The following YJU2 variants were observed in gnomAD, a reference collection of about 807,000 sequenced individuals.
The protein encoded by YJU2 is YJU2 splicing factor homolog, also known as splicing factor YJU2.
YJU2 carries 28 observed loss-of-function variants against 39.6 expected under a neutral mutation model. That is an observed-to-expected ratio of 0.71 (90% CI 0.52 to 0.97). The LOEUF (loss-of-function observed/expected upper bound fraction) is 0.97. Among genes scored for constraint, YJU2 ranks in the 50% least tolerant of loss-of-function variants. The pLI, the probability that YJU2 is intolerant of heterozygous loss-of-function variation, is 0.00. For synonymous variants in YJU2, 184 were observed against 182.4 expected (o/e 1.01, Z -0.07); for missense variants, 328 against 430.4 (o/e 0.76, Z 2.11).
chr19:4,262,818 G>A (rs546318166), intron 6 of YJU2, among the ~76,000 whole-genome samples: 82 of 152,230 alleles, frequency 5.4e-4, no homozygotes, highest in African/African-American at 1.8e-3. Flanking sequence ...TGAGGCAGGA[G>A]GACCGCTTGA....
In YJU2 at chr19:4,251,765, G is replaced by T. The variant is rs546505694; in HGVS notation, c.270+594G>T. ...TTGGGAGGCCAAGGCAGGAAAGAGA[G>T]CCCCTGAGGTCAGGAGTTTGAGACC... On this transcript the variant is annotated intron_variant, in intron 3 of 7. Transcript: ENST00000262962. 3.3e-5 allele frequency among the ~76,000 whole-genome samples: 5 copies of T among 150,826 alleles called. No individual in the cohort carries two copies. The East Asian group carries it at 7.8e-4, about 24-fold the overall frequency.
chr19:4,255,462 G>A (rs530120807), intron 4 of YJU2, among the ~76,000 whole-genome samples: 7 of 152,006 alleles, frequency 4.6e-5, no homozygotes, highest in Non-Finnish European at 1.0e-4. Flanking sequence ...AGGCGTGGTG[G>A]CTCACACCTG....
chr19:4,250,777 G>T (rs1970969575), intron 2 of YJU2, among the ~76,000 whole-genome samples: 2 of 152,188 alleles, frequency 1.3e-5, no homozygotes, highest in African/African-American at 4.8e-5. Flanking sequence ...TGACAGGCAG[G>T]CCTCACCTAC....
chr19:4,249,340 C>T lies in YJU2; in HGVS notation c.125+12C>T, dbSNP rs34737333. On this transcript the variant is annotated intron_variant, in intron 2 of 7. Transcript: ENST00000262962. ...CCCTTCAACATGAGGTGAGCACCCCCTGCGTGACCCCACACACCAGTCATG... is the reference window on the plus strand; with the variant it reads ...CCCTTCAACATGAGGTGAGCACCCCTTGCGTGACCCCACACACCAGTCATG... The T allele has an allele frequency of 5.7e-6, 9 of 1,567,944 alleles. No homozygotes were observed. In the South Asian group the frequency reaches 8.9e-5, roughly 16 times the overall value.
intron 1 of YJU2, among the ~76,000 whole-genome samples, chr19:4,247,598 T>C (rs1568359542): frequency 0.024 from 129 of 5,414 alleles, 16 homozygotes; most frequent in East Asian, 0.039. Context: ...TGTGTGTGTG[T>C]GTGTGTGTGT....
intron 4 of YJU2, among the ~76,000 whole-genome samples, chr19:4,256,082 G>A (rs1171357435): frequency 6.6e-6 from 1 of 151,068 alleles, no homozygotes; most frequent in Non-Finnish European, 1.5e-5. Flanking sequence ...GCTGAGGCGG[G>A]AGGATCACTT....
rs1568359409 is a variant in YJU2 at position 4,247,568 on chromosome 19, GGGGT to G, written c.24+402_24+405del. ...ACCAATCGTGTACTTTGGGTGGGGT[GGGGT>G]GGGGTGGCGCGTGTGTGTGTGTGTG... On this transcript the variant is annotated intron_variant, in intron 1 of 7. Transcript: ENST00000262962. Among the ~76,000 whole-genome samples the G allele has an allele frequency of 3.9e-4, 35 of 90,834 alleles. 6 individuals carry two copies. Among genetic ancestry groups the G allele is most frequent in the African/African-American group, 2.9e-3 (34 of 11,578 alleles). 59.6% of individuals were successfully genotyped at this position (90,834 alleles called of 152,430 possible).
intron 4 of YJU2, among the ~76,000 whole-genome samples, chr19:4,255,808 A>G (rs921157459): frequency 6.6e-6 from 1 of 151,264 alleles, no homozygotes; most frequent in African/African-American, 2.4e-5. Flanking sequence ...GGAGTTCAAG[A>G]CCAGCTTGGC....
At chr19:4,252,051 TTTTA>T (rs1299239744) in intron 3 of YJU2, among the ~76,000 whole-genome samples, 1 of 152,152 alleles carries the variant, frequency 6.6e-6, no homozygotes, top group East Asian at 1.9e-4. Context: ...GCAATTTGAC[TTTTA>T]TTTGTTACCT....
intron 4 of YJU2, among the ~76,000 whole-genome samples, chr19:4,257,120 C>G (rs1971027814): frequency 6.6e-6 from 1 of 152,056 alleles, no homozygotes; most frequent in African/African-American, 2.4e-5. Context: ...CCCAACCTGC[C>G]TGGCTCCAAA....
chr19:4,266,581 G>A (rs1033831980), intron 6 of YJU2, among the ~76,000 whole-genome samples: 2 of 152,216 alleles, frequency 1.3e-5, no homozygotes, highest in South Asian at 4.1e-4. Flanking sequence ...CCTGGGTATT[G>A]GTCTCCTTGT....
chr19:4,256,518 C>G (rs1971022741), intron 4 of YJU2, among the ~76,000 whole-genome samples: 2 of 152,284 alleles, frequency 1.3e-5, no homozygotes, highest in South Asian at 2.1e-4. Flanking sequence ...GCAAGGGGCT[C>G]TTACCCTGGT....
intron 1 of YJU2, among the ~76,000 whole-genome samples, chr19:4,247,578 G>GT (rs1568359456): frequency 7.3e-5 from 6 of 82,048 alleles, no homozygotes; most frequent in African/African-American, 2.8e-4. Context: ...GGGGTGGGGT[G>GT]GCGCGTGTGT....
At chr19:4,248,247 G>A (rs959633516) in intron 1 of YJU2, 1 of 152,162 alleles carries the variant, frequency 6.6e-6, no homozygotes, top group Non-Finnish European at 1.5e-5. Context: ...GGATACAAAG[G>A]GAGTGTGAGT....
chr19:4,266,787 C>T (rs1051227628), intron 6 of YJU2, among the ~76,000 whole-genome samples: 10 of 152,064 alleles, frequency 6.6e-5, no homozygotes, highest in African/African-American at 1.4e-4. Flanking sequence ...TTGAGACCAG[C>T]CTGGGCAACA....
chr19:4,264,545 G>A (rs1971101337), intron 6 of YJU2, among the ~76,000 whole-genome samples: 1 of 150,820 alleles, frequency 6.6e-6, no homozygotes. Context: ...GGAGTGCAGT[G>A]GTGTGATCTT....
At chr19:4,266,241 C>T (rs772740056) in intron 6 of YJU2, among the ~76,000 whole-genome samples, 10 of 152,144 alleles carry the variant, frequency 6.6e-5, no homozygotes, top group Admixed American at 3.3e-4. Flanking sequence ...TGAGCCACTG[C>T]GCCCGGCCCA....
chr19:4,253,826 A>ATTT, intron 3 of YJU2, among the ~76,000 whole-genome samples: 1 of 147,624 alleles, frequency 6.8e-6, no homozygotes, highest in East Asian at 2.0e-4. Context: ...AACCTTGGAG[A>ATTT]TTTTTTTTTT....
intron 2 of YJU2, among the ~76,000 whole-genome samples, 189 bp from the exon 3 acceptor site, chr19:4,250,838 T>C (rs1436959315): frequency 1.3e-5 from 2 of 151,928 alleles, no homozygotes; most frequent in Admixed American, 6.6e-5. Flanking sequence ...CAGGAAGATA[T>C]GAATGAGAAC....
Sources: gnomAD v4.1 joint callset for allele counts (sites outside exome capture counted in the v4.1 genomes callset) on GRCh38, gnomAD v4.1.1 for gene constraint, MANE v1.5 for transcripts, NCBI Gene and HGNC (gene_info 2026-07-23, HGNC 2026-07-21) for gene names.